FAM219A: variants seen among roughly 807,000 people sequenced by gnomAD.
The protein encoded by FAM219A is protein FAM219A.
FAM219A carries 7 observed loss-of-function variants against 23.4 expected under a neutral mutation model. That is an observed-to-expected ratio of 0.30 (90% confidence interval 0.17 to 0.56). FAM219A has a LOEUF of 0.56. Ranked by LOEUF, FAM219A falls within the 20% of genes least tolerant of loss-of-function variation. The pLI is 0.92. For synonymous variants in FAM219A, 93 were observed against 99.0 expected (o/e 0.94, Z 0.36); for missense variants, 166 against 246.9 (o/e 0.67, Z 2.20).
At chr9:34,425,860 C>T (rs150234092) in intron 1 of FAM219A, among the ~76,000 whole-genome samples, 2 of 152,310 alleles carry the variant, frequency 1.3e-5, no homozygotes, top group African/African-American at 4.8e-5. Flanking sequence ...AAAAGTAGGT[C>T]TGTGAATGCT....
In FAM219A at chr9:34,399,210, A is replaced by T. The variant is rs959497030; in HGVS notation, c.*1754T>A. 6.6e-6 allele frequency: 1 copy of T among 152,160 alleles called. No homozygotes were observed. Among genetic ancestry groups the T allele is most frequent in the Non-Finnish European group, 1.5e-5 (1 of 68,100 alleles). The allele number at this position is 152,160 out of a possible 1,614,324, so 9.4% of individuals were successfully genotyped here. On this transcript the variant is annotated 3_prime_UTR_variant, in exon 6 of 6. Coordinates refer to ENST00000651358, the MANE Select transcript of FAM219A (RefSeq NM_001184940.2). ...AGCACATGTGGGGTGTTAGCATGAGATGATCCACCTGGGCCTGTGCTATAA... is the reference window on the plus strand; with the variant it reads ...AGCACATGTGGGGTGTTAGCATGAGTTGATCCACCTGGGCCTGTGCTATAA...
intron 1 of FAM219A, among the ~76,000 whole-genome samples, chr9:34,443,165 A>G (rs1823245072): frequency 6.6e-6 from 1 of 152,128 alleles, no homozygotes; most frequent in Non-Finnish European, 1.5e-5. Flanking sequence ...CCTCTAGCCC[A>G]CTGACATTGG....
intron 1 of FAM219A, among the ~76,000 whole-genome samples, chr9:34,451,882 C>T (rs1317955332): frequency 6.6e-6 from 1 of 152,280 alleles, no homozygotes; most frequent in Middle Eastern, 3.4e-3. Flanking sequence ...AAGGAAAGTA[C>T]GTGTCCTTTT....
At chr9:34,425,603 A>C (rs1175377983) in intron 1 of FAM219A, among the ~76,000 whole-genome samples, 1 of 152,236 alleles carries the variant, frequency 6.6e-6, no homozygotes, top group African/African-American at 2.4e-5. Context: ...GAGAAGTTGA[A>C]AAATGTGCAG....
chr9:34,451,496 C>G (rs187940390), intron 1 of FAM219A, among the ~76,000 whole-genome samples: 3 of 152,142 alleles, frequency 2.0e-5, no homozygotes, highest in African/African-American at 7.2e-5. Flanking sequence ...TAGGAAGGCA[C>G]GAAGCAGCTA....
chr9:34,445,577 T>A (rs1425288739), intron 1 of FAM219A, among the ~76,000 whole-genome samples: 1 of 152,182 alleles, frequency 6.6e-6, no homozygotes, highest in Non-Finnish European at 1.5e-5. Context: ...CTGGACTTAC[T>A]AGAAAGAAAG....
chr9:34,420,496 T>C (rs1822223961), intron 1 of FAM219A, among the ~76,000 whole-genome samples: 1 of 152,226 alleles, frequency 6.6e-6, no homozygotes, highest in African/African-American at 2.4e-5. Context: ...GTTCCTACCC[T>C]GCCACAGGGC....
At position 34,405,855 on chromosome 9, in the gene FAM219A, A is replaced by G. The variant is rs757983726; in HGVS notation, c.160+10T>C. The G allele has an allele frequency of 8.7e-6, 14 of 1,613,466 alleles. No homozygotes were observed. In the African/African-American group the frequency reaches 1.7e-4, roughly 20 times the overall value. ...TCCCCACATCTCCCTCACCCCCCAGACACACTCACCCAGCTTCACTTGGAG... is the reference window on the plus strand; with the variant it reads ...TCCCCACATCTCCCTCACCCCCCAGGCACACTCACCCAGCTTCACTTGGAG... On this transcript the variant is annotated intron_variant, in intron 2 of 5. Coordinates refer to ENST00000651358, the MANE Select transcript of FAM219A (RefSeq NM_001184940.2).
At chr9:34,440,769 G>T (rs1277337264) in intron 1 of FAM219A, among the ~76,000 whole-genome samples, 1 of 151,122 alleles carries the variant, frequency 6.6e-6, no homozygotes, top group African/African-American at 2.4e-5. Context: ...AGAATGGCAT[G>T]AACCCGGGAG....
chr9:34,457,227 C>T lies in FAM219A; in HGVS notation c.60+977G>A, dbSNP rs565868107. Among the ~76,000 whole-genome samples, 78 of 152,354 alleles carry T rather than the reference C, an allele frequency of 5.1e-4. No homozygotes were observed. The highest frequency in any genetic ancestry group is 7.1e-4 in the Non-Finnish European group (48 of 68,026). On this transcript the variant is annotated intron_variant, in intron 1 of 5. Transcript: ENST00000651358. This position sits in a 1 kb window ranked among gnomAD's most constrained non-coding sequence, Gnocchi z 5.1. Reference sequence around the variant, plus strand: ...AGACATTCCCTCTCTTCCCCCCTCACTATACGAGCTGGCTAGGCCTCCACG... The same window carrying T: ...AGACATTCCCTCTCTTCCCCCCTCATTATACGAGCTGGCTAGGCCTCCACG...
intron 2 of FAM219A, among the ~76,000 whole-genome samples, chr9:34,404,361 T>G (rs1010118864): frequency 6.6e-6 from 1 of 152,138 alleles, no homozygotes; most frequent in African/African-American, 2.4e-5. Context: ...GAGGAGAATG[T>G]GATGGGGGAG....
chr9:34,409,161 C>A (rs1418407589), intron 1 of FAM219A, among the ~76,000 whole-genome samples: 2 of 152,242 alleles, frequency 1.3e-5, no homozygotes, highest in African/African-American at 4.8e-5. Flanking sequence ...ATGCAAAGCC[C>A]ACCATTCAGC....
intron 1 of FAM219A, among the ~76,000 whole-genome samples, chr9:34,413,903 A>C (rs1226431347): frequency 6.6e-6 from 1 of 152,202 alleles, no homozygotes; most frequent in East Asian, 1.9e-4. Flanking sequence ...ATAGAGCATC[A>C]AAGACCAGCT....
At chr9:34,405,840 T>C in intron 2 of FAM219A, 25 bp downstream of exon 2, 2 of 1,610,372 alleles carry the variant, frequency 1.2e-6, no homozygotes, top group Non-Finnish European at 1.7e-6. Context: ...TCCCCACATC[T>C]CCCTCACCCC....
intron 1 of FAM219A, among the ~76,000 whole-genome samples, chr9:34,434,201 CAAAAAAAAAAAAAAAAA>C (rs56144317): frequency 2.2e-5 from 1 of 44,954 alleles, no homozygotes; most frequent in African/African-American, 8.9e-5. Flanking sequence ...GACTCCGTCT[CAAAAAAAAAAAAAAAAA>C]AAAAAAAAAG....
rs1564022821 is a variant in FAM219A, at chr9:34,457,899, T to A, written c.60+305A>T. On this transcript the variant is annotated intron_variant, in intron 1 of 5. Coordinates refer to ENST00000651358, the MANE Select transcript of FAM219A (RefSeq NM_001184940.2). The surrounding 1 kb of genome is among the most constrained non-coding windows in gnomAD (Gnocchi z 5.1). ...CCGGCGGTGCCCCATGGCAGTTCCC[T>A]CGCCAGTCCCTGCTATGGGCCTCCA... 6.6e-6 allele frequency among the ~76,000 whole-genome samples: 1 copy of A among 152,130 alleles called. No homozygotes were observed. Among genetic ancestry groups the A allele is most frequent in the African/African-American group, 2.4e-5 (1 of 41,432 alleles).
At chr9:34,402,140 C>T in intron 4 of FAM219A, 1 of 1,452,830 alleles carries the variant, frequency 6.9e-7, no homozygotes, top group African/African-American at 1.4e-5. Context: ...TTAGGGACAA[C>T]CATTGGATCA....
chr9:34,423,558 G>A (rs1160060632), intron 1 of FAM219A, among the ~76,000 whole-genome samples: 1 of 152,210 alleles, frequency 6.6e-6, no homozygotes, highest in Non-Finnish European at 1.5e-5. Flanking sequence ...GAAGGGCTTT[G>A]TAAGATATGT....
At position 34,430,636 on chromosome 9, in the gene FAM219A, C is replaced by CAAAAAA. The variant is rs757627612; in HGVS notation, c.61-24678_61-24673dup. 5.0e-4 allele frequency among the ~76,000 whole-genome samples: 28 copies of CAAAAAA among 56,272 alleles called. 1 individual carries two copies. The highest frequency in any genetic ancestry group is 8.0e-4 in the Non-Finnish European group (24 of 29,842). 36.9% of individuals were successfully genotyped at this position (56,272 alleles called of 152,430 possible). On this transcript the variant is annotated intron_variant, in intron 1 of 5. Transcript: ENST00000651358. ...TGGGTGACAGAGCAAGACTCCGTCT[C>CAAAAAA]AAAAAAAAAAAAAAAAAAAAAGACA...
Sources: allele counts gnomAD v4.1 joint callset (sites outside exome capture counted in the v4.1 genomes callset), GRCh38; gene constraint gnomAD v4.1.1; non-coding constraint Gnocchi (gnomAD v3.1); transcripts MANE v1.5; gene names NCBI Gene and HGNC (gene_info 2026-07-23, HGNC 2026-07-21).